Variants in EPSTI1 observed in about 807,000 individuals in gnomAD.
EPSTI1 encodes the protein epithelial stromal interaction 1, also known as epithelial-stromal interaction protein 1.
EPSTI1 carries 66 observed loss-of-function variants against 49.9 expected under a neutral mutation model. That is an observed-to-expected ratio of 1.32 (90% CI 1.08 to 1.62). The LOEUF is 1.62. Ranked by LOEUF, EPSTI1 falls within the 40% of genes most tolerant of loss-of-function variation. EPSTI1 has a pLI of 0.00. For missense variants in EPSTI1, 394 were observed against 365.5 expected (o/e 1.08, Z -0.64); for synonymous variants, 137 against 130.7 (o/e 1.05, Z -0.33).
intron 6 of EPSTI1, among the ~76,000 whole-genome samples, chr13:42,951,001 A>G (rs962901555): frequency 1.3e-5 from 2 of 152,154 alleles, no homozygotes; most frequent in Admixed American, 1.3e-4. Flanking sequence ...TACTAAAAAT[A>G]TAAAAATTCA....
At chr13:42,983,100 G>C (rs1227051947) in intron 1 of EPSTI1, among the ~76,000 whole-genome samples, 1 of 152,078 alleles carries the variant, frequency 6.6e-6, no homozygotes, top group Non-Finnish European at 1.5e-5. Context: ...AAATGAATGG[G>C]TATGCTTTTC....
chr13:42,967,379 A>G (rs573100587), intron 3 of EPSTI1, among the ~76,000 whole-genome samples: 12 of 152,298 alleles, frequency 7.9e-5, no homozygotes, highest in Non-Finnish European at 1.8e-4. Context: ...TCATGCCTAG[A>G]ACAGTTAGAG....
At chr13:42,923,667 T>C (rs1032672830) in intron 7 of EPSTI1, among the ~76,000 whole-genome samples, 1 of 152,238 alleles carries the variant, frequency 6.6e-6, no homozygotes, top group African/African-American at 2.4e-5. Flanking sequence ...GGTCTGATGA[T>C]GCTGGTACTT....
intron 10 of EPSTI1, chr13:42,889,289 G>A (rs1415222772): frequency 3.5e-6 from 4 of 1,157,444 alleles, no homozygotes; most frequent in Non-Finnish European, 4.9e-6. Context: ...AGCAATTATT[G>A]AAGAATAAAT....
At chr13:42,926,125 C>A (rs1366026346) in intron 7 of EPSTI1, among the ~76,000 whole-genome samples, 1 of 148,558 alleles carries the variant, frequency 6.7e-6, no homozygotes, top group Admixed American at 6.8e-5. Flanking sequence ...GGAAAAACTT[C>A]TCTGAGGCTG....
intron 5 of EPSTI1, among the ~76,000 whole-genome samples, chr13:42,962,774 C>T (rs1280318563): frequency 1.3e-5 from 2 of 151,036 alleles, no homozygotes; most frequent in African/African-American, 2.4e-5. Context: ...AGTGAGACCC[C>T]GTCTCAAAAA....
At chr13:42,961,427 T>C (rs80081645) in intron 5 of EPSTI1, among the ~76,000 whole-genome samples, 6,839 of 152,246 alleles carry the variant, frequency 0.045, 208 homozygotes, top group Middle Eastern at 0.22. Context: ...TAGAAGTATA[T>C]ATACTGTGAC....
At chr13:42,991,853 T>C in intron 1 of EPSTI1, 125 bp downstream of exon 1, 3 of 1,073,642 alleles carry the variant, frequency 2.8e-6, no homozygotes, top group Non-Finnish European at 4.1e-6. Context: ...AAATGAGCTT[T>C]CATTCAGTCA....
rs4268660 is a variant in EPSTI1 at position 42,922,320 on chromosome 13, A to C, written c.657+4016T>G. On this transcript the variant is annotated intron_variant, in intron 7 of 10. Coordinates refer to ENST00000313624, the MANE Select transcript of EPSTI1 (RefSeq NM_033255.5). The surrounding 1 kb of genome is among the most constrained non-coding windows in gnomAD (Gnocchi z 4.8). Reference sequence around the variant, plus strand: ...GACAAAAGGGACTTTGCAGAAATTAAGGATCTGGAAGTGGAGAGATTAGCC... The same window carrying C: ...GACAAAAGGGACTTTGCAGAAATTACGGATCTGGAAGTGGAGAGATTAGCC... Among the ~76,000 whole-genome samples the C allele has an allele frequency of 0.04, 6,154 of 152,288 alleles. 368 individuals are homozygous for C. Among genetic ancestry groups the C allele is most frequent in the African/African-American group, 0.13 (5,302 of 41,524 alleles).
intron 6 of EPSTI1, among the ~76,000 whole-genome samples, chr13:42,930,180 G>A (rs1318837428): frequency 1.3e-5 from 2 of 152,138 alleles, no homozygotes; most frequent in Non-Finnish European, 2.9e-5. Context: ...AAACCTCAGC[G>A]TGTCTTAGGA....
chr13:42,943,820 T>C (rs750757052), intron 6 of EPSTI1, among the ~76,000 whole-genome samples: 23 of 152,094 alleles, frequency 1.5e-4, no homozygotes, highest in Non-Finnish European at 2.8e-4. Context: ...TTAAACAAAT[T>C]TACCAGAAAA....
intron 1 of EPSTI1, among the ~76,000 whole-genome samples, chr13:42,977,671 T>A (rs962247188): frequency 1.3e-5 from 2 of 152,216 alleles, no homozygotes; most frequent in African/African-American, 4.8e-5. Context: ...AAACACCACA[T>A]CAGTGGTAAT....
At chr13:42,899,743 A>C (rs2037301113) in intron 9 of EPSTI1, among the ~76,000 whole-genome samples, 1 of 152,224 alleles carries the variant, frequency 6.6e-6, no homozygotes, top group Non-Finnish European at 1.5e-5. Context: ...GCTTATTAGC[A>C]CTGTCCCAAC....
At chr13:42,937,079 A>G (rs1376531952) in intron 6 of EPSTI1, among the ~76,000 whole-genome samples, 1 of 152,212 alleles carries the variant, frequency 6.6e-6, no homozygotes, top group African/African-American at 2.4e-5. Context: ...CAAATGAAAT[A>G]TTGCAATAAA....
intron 2 of EPSTI1, chr13:42,970,200 C>A (rs1394955427): frequency 6.5e-6 from 1 of 153,440 alleles, no homozygotes; most frequent in African/African-American, 2.4e-5. Flanking sequence ...AACTTTAGTT[C>A]TCTTCCACCT....
chr13:42,921,592 A>G (rs1362982372), intron 7 of EPSTI1, among the ~76,000 whole-genome samples: 3 of 152,212 alleles, frequency 2.0e-5, no homozygotes, highest in African/African-American at 7.2e-5. Context: ...AATTCCCAAG[A>G]TGACTTTAAA....
intron 8 of EPSTI1, among the ~76,000 whole-genome samples, chr13:42,910,033 T>C (rs562815088): frequency 9.2e-4 from 140 of 152,318 alleles, no homozygotes; most frequent in African/African-American, 3.3e-3. Flanking sequence ...GTTTATATAC[T>C]TCAAAATATC....
chr13:42,942,605 GT>G (rs1452098661), intron 6 of EPSTI1, among the ~76,000 whole-genome samples: 1 of 145,142 alleles, frequency 6.9e-6, no homozygotes, highest in East Asian at 2.0e-4. Context: ...TCTCTTCCTT[GT>G]GCCTCTTCTA....
intron 10 of EPSTI1, among the ~76,000 whole-genome samples, chr13:42,894,759 T>C (rs899631902): frequency 6.6e-6 from 1 of 151,948 alleles, no homozygotes; most frequent in Non-Finnish European, 1.5e-5. Context: ...CAGGCAATCA[T>C]GCTGAGAACA....
Sources: gnomAD v4.1 joint callset for allele counts (sites outside exome capture counted in the v4.1 genomes callset) on GRCh38, gnomAD v4.1.1 for gene constraint, Gnocchi (gnomAD v3.1) non-coding constraint, MANE v1.5 for transcripts, NCBI Gene and HGNC (gene_info 2026-07-23, HGNC 2026-07-21) for gene names.